CSMD1: variants seen among roughly 807,000 people sequenced by gnomAD.
CSMD1 encodes the protein CUB and Sushi multiple domains 1.
CSMD1 carries 213 observed loss-of-function variants against 417.5 expected under a neutral mutation model. That is an observed-to-expected ratio of 0.51 (90% confidence interval 0.46 to 0.57). CSMD1 has a LOEUF of 0.57. CSMD1 is among the 20% of genes least tolerant of loss of function. The pLI, the probability that CSMD1 is intolerant of heterozygous loss-of-function variation, is 0.00. For synonymous variants in CSMD1, 2,862 were observed against 1,736.8 expected (o/e 1.65, Z -16.11); for missense variants, 6,923 against 4,529.7 (o/e 1.53, Z -15.17).
In CSMD1 at chr8:2,950,249, G is replaced by C. The variant is rs775400212; in HGVS notation, c.10296C>G (p.Asn3432Lys). Residue 3432 changes from asparagine (N) to lysine (K), a missense_variant, in exon 67 of 70, where the codon AAC (asparagine) becomes AAG (lysine). Transcript: ENST00000635120. ...DIFVSKFEND[N>K]WGLDGYVSSG... is the part of the protein sequence containing the mutation. ...TACTTACATAACCATCTAGTCCCCAGTTGTCATTTTCGAACTTGCTTACAA... is the reference window on the plus strand; with the variant it reads ...TACTTACATAACCATCTAGTCCCCACTTGTCATTTTCGAACTTGCTTACAA... 4 of 1,610,014 alleles carry C rather than the reference G, an allele frequency of 2.5e-6. No homozygotes were observed. Among genetic ancestry groups the C allele is most frequent in the East Asian group, 4.5e-5 (2 of 44,856 alleles).
At chr8:2,978,585 C>T in intron 55 of CSMD1, 27 bp downstream of exon 55, 1 of 1,550,690 alleles carries the variant, frequency 6.4e-7, no homozygotes, top group Non-Finnish European at 8.7e-7. Flanking sequence ...GGTCTCTGCA[C>T]AGAAATTGGG....
chr8:3,494,750 C>A (rs968577648), intron 10 of CSMD1, among the ~76,000 whole-genome samples: 1 of 151,934 alleles, frequency 6.6e-6, no homozygotes, highest in Non-Finnish European at 1.5e-5. Context: ...GAAAGGAAGG[C>A]GGAAGAGAGA....
intron 1 of CSMD1, among the ~76,000 whole-genome samples, chr8:4,810,808 TA>T (rs1313731698): frequency 5.0e-4 from 76 of 152,244 alleles, no homozygotes; most frequent in African/African-American, 1.7e-3. Context: ...ATAAATCATA[TA>T]AAGAACGAAG....
Position 4,700,443 on chromosome 8 carries a change from C to A in CSMD1, c.86-62885G>T, listed in dbSNP as rs574789985. Among the ~76,000 whole-genome samples the A allele has an allele frequency of 5.3e-5, 8 of 152,064 alleles. 1 individual carries two copies. Among genetic ancestry groups the A allele is most frequent in the Non-Finnish European group, 1.2e-4 (8 of 67,996 alleles). ...ATAAACAGGTAGGTTTACTTTGTGA[C>A]ACCTCATTGCTTGGAAACAACCTGC... On this transcript the variant is annotated intron_variant, in intron 1 of 69. Transcript: ENST00000635120.
At chr8:4,869,127 G>A (rs1802585305) in intron 1 of CSMD1, among the ~76,000 whole-genome samples, 1 of 151,748 alleles carries the variant, frequency 6.6e-6, no homozygotes. Context: ...ATTTATAAAT[G>A]TCATCAAATT....
chr8:3,314,354 T>A (rs1382990981), intron 23 of CSMD1, among the ~76,000 whole-genome samples: 1 of 152,228 alleles, frequency 6.6e-6, no homozygotes, highest in Non-Finnish European at 1.5e-5. Context: ...TTTAAGAGAC[T>A]TTTGACTGAT....
chr8:3,054,688 T>G (rs1489338748), intron 49 of CSMD1, among the ~76,000 whole-genome samples: 1 of 152,200 alleles, frequency 6.6e-6, no homozygotes, highest in Non-Finnish European at 1.5e-5. Flanking sequence ...CATGTGTCCA[T>G]GTGCGCACGT....
At chr8:4,002,302 C>T (rs918314902) in intron 4 of CSMD1, among the ~76,000 whole-genome samples, 2 of 152,078 alleles carry the variant, frequency 1.3e-5, no homozygotes, top group African/African-American at 2.4e-5. Flanking sequence ...GTAAGTACTT[C>T]TCTAACAAAA....
intron 52 of CSMD1, among the ~76,000 whole-genome samples, chr8:3,008,885 TCA>T (rs1200532369): frequency 1.3e-5 from 2 of 152,150 alleles, no homozygotes; most frequent in Non-Finnish European, 2.9e-5. Flanking sequence ...CGATTTACCT[TCA>T]CATCATAACG....
intron 47 of CSMD1, among the ~76,000 whole-genome samples, chr8:3,093,099 G>T (rs934938845): frequency 1.3e-5 from 2 of 152,060 alleles, no homozygotes; most frequent in Non-Finnish European, 2.9e-5. Context: ...TTTACACATT[G>T]AAGTCCTATG....
intron 50 of CSMD1, among the ~76,000 whole-genome samples, chr8:3,049,560 G>C (rs1278080798): frequency 2.0e-5 from 3 of 152,132 alleles, no homozygotes; most frequent in African/African-American, 4.8e-5. Context: ...ATCAAGGTCA[G>C]TGTTTGTCAG....
intron 1 of CSMD1, among the ~76,000 whole-genome samples, chr8:4,989,708 G>A (rs1394546464): frequency 2.0e-5 from 3 of 152,116 alleles, no homozygotes; most frequent in Non-Finnish European, 4.4e-5. Flanking sequence ...ATTACCAGAG[G>A]CAGATTTAAA....
intron 3 of CSMD1, among the ~76,000 whole-genome samples, chr8:4,411,551 A>C (rs1796650033): frequency 6.6e-6 from 1 of 152,166 alleles, no homozygotes; most frequent in Admixed American, 6.6e-5. Flanking sequence ...GTATTCATTA[A>C]TTAATTTTTT....
intron 3 of CSMD1, among the ~76,000 whole-genome samples, chr8:4,161,196 A>G (rs181854920): frequency 2.0e-5 from 3 of 152,282 alleles, no homozygotes; most frequent in East Asian, 1.9e-4. Context: ...GCTACTTCCT[A>G]TCTCATTTAA....
chr8:3,437,041 C>G (rs1028404710), intron 12 of CSMD1, among the ~76,000 whole-genome samples: 3 of 152,130 alleles, frequency 2.0e-5, no homozygotes, highest in Non-Finnish European at 4.4e-5. Context: ...AAGTGTGGAG[C>G]TTAATTCTTA....
intron 5 of CSMD1, among the ~76,000 whole-genome samples, chr8:3,865,998 G>T (rs1368794248): frequency 6.6e-6 from 1 of 152,154 alleles, no homozygotes; most frequent in Non-Finnish European, 1.5e-5. Flanking sequence ...ATCATCTGTA[G>T]TCATGTTAGT....
intron 2 of CSMD1, among the ~76,000 whole-genome samples, chr8:4,586,316 C>T (rs1300316274): frequency 6.6e-6 from 1 of 152,214 alleles, no homozygotes; most frequent in African/African-American, 2.4e-5. Flanking sequence ...AGGCAATTCC[C>T]ATTGGCAGTG....
chr8:4,007,832 CCT>C (rs1247723400), intron 4 of CSMD1, among the ~76,000 whole-genome samples: 3 of 152,084 alleles, frequency 2.0e-5, no homozygotes, highest in African/African-American at 7.2e-5. Context: ...CAAACCATAT[CCT>C]CTCTAAGAAT....
chr8:3,034,667 A>G (rs1301955703), intron 50 of CSMD1, among the ~76,000 whole-genome samples: 4 of 152,214 alleles, frequency 2.6e-5, no homozygotes, highest in Non-Finnish European at 4.4e-5. Context: ...TTATTTAGGA[A>G]GACTAGGATG....
Sources: allele counts gnomAD v4.1 joint callset (sites outside exome capture counted in the v4.1 genomes callset), GRCh38; gene constraint gnomAD v4.1.1; transcripts MANE v1.5; gene names NCBI Gene and HGNC (gene_info 2026-07-23, HGNC 2026-07-21).